GALR1: variants seen among roughly 807,000 people sequenced by gnomAD.
GALR1 encodes the protein galanin receptor type 1.
In GALR1, 11 loss-of-function variants were observed where a neutral mutation model predicts 17.9. That is an observed-to-expected ratio of 0.62 (90% confidence interval 0.39 to 1.02). The LOEUF (loss-of-function observed/expected upper bound fraction) is 1.02, where lower values mean the gene tolerates loss of function less well. Ranked by LOEUF, GALR1 falls within the 50% of genes least tolerant of loss-of-function variation. The pLI is 0.01. For missense variants in GALR1, 441 were observed against 456.9 expected, an observed-to-expected ratio of 0.97 and a Z score of 0.32; for synonymous variants, 206 against 205.7, an observed-to-expected ratio of 1.00 and a Z score of -0.01.
rs149222668 is a variant in GALR1 at position 77,275,776 on chromosome 18, A to G, written c.*6874A>G. On this transcript the variant is annotated 3_prime_UTR_variant, in exon 3 of 3. Coordinates refer to ENST00000299727, the MANE Select transcript of GALR1 (RefSeq NM_001480.4). ...TGTTTTTTAAAACGGAAACCATGTC[A>G]TTTTCCTTCTAGAGAGAATTTCCTG... is the stretch of plus-strand genomic sequence containing the variant. The G allele has an allele frequency of 3.5e-4, 53 of 152,318 alleles. No homozygotes were observed. Among genetic ancestry groups the G allele is most frequent in the African/African-American group, 1.2e-3 (48 of 41,572 alleles). 9.4% of individuals were successfully genotyped at this position (152,318 alleles called of 1,614,324 possible).
Position 77,271,481 on chromosome 18 carries a change from A to T in GALR1, c.*2579A>T, listed in dbSNP as rs1242047286. 2.6e-5 allele frequency: 4 copies of T among 152,190 alleles called. No individual in the cohort carries two copies. The highest frequency in any genetic ancestry group is 9.7e-5 in the African/African-American group (4 of 41,446). 9.4% of individuals were successfully genotyped at this position (152,190 alleles called of 1,614,324 possible). ...CAGAAGAACTCGTAAACAGAATGAA[A>T]TTAACCAGAGAAGTATAGGAGTGTG... On this transcript the variant is annotated 3_prime_UTR_variant, in exon 3 of 3. Transcript: ENST00000299727.
At position 77,268,947 on chromosome 18, in the gene GALR1, C is replaced by G; in HGVS notation, c.*45C>G. ...ATGGTTGAGTTTCCATATAAGTGGA[C>G]CAGACACAGAAACAAACAGAATGAG... is the stretch of plus-strand genomic sequence containing the variant. On this transcript the variant is annotated 3_prime_UTR_variant, in exon 3 of 3. Coordinates refer to ENST00000299727, the MANE Select transcript of GALR1 (RefSeq NM_001480.4). 1 of 1,396,932 alleles carries G rather than the reference C, an allele frequency of 7.2e-7. No homozygotes were observed. Among genetic ancestry groups the G allele is most frequent in the African/African-American group, 1.4e-5 (1 of 70,486 alleles). 86.5% of individuals were successfully genotyped at this position (1,396,932 alleles called of 1,614,324 possible). A position where few individuals can be genotyped will look rare whatever the true frequency, so the allele number is the denominator to read the frequency against.
chr18:77,264,776 A>G (rs1289594310), intron 2 of GALR1, among the ~76,000 whole-genome samples: 1 of 152,168 alleles, frequency 6.6e-6, no homozygotes, highest in African/African-American at 2.4e-5. Context: ...GAAGAATGAG[A>G]GTAAAGGGTG....
chr18:77,265,859 C>G (rs563757314), intron 2 of GALR1, among the ~76,000 whole-genome samples: 8 of 152,316 alleles, frequency 5.3e-5, no homozygotes, highest in African/African-American at 1.9e-4. Flanking sequence ...CACAAAGAAG[C>G]AAGGCCCTGG....
At chr18:77,259,417 G>GTGATGACGGTGATGA (rs1256160323) in intron 2 of GALR1, among the ~76,000 whole-genome samples, 1 of 150,486 alleles carries the variant, frequency 6.6e-6, no homozygotes, top group East Asian at 2.0e-4. Flanking sequence ...GGTTATGGTG[G>GTGATGACGGTGATGA]TGATGATGGT....
At chr18:77,252,962 C>CCAT (rs1912490298) in intron 1 of GALR1, among the ~76,000 whole-genome samples, 2 of 54,342 alleles carry the variant, frequency 3.7e-5, no homozygotes, top group African/African-American at 6.6e-5. Context: ...ACCACCATCA[C>CCAT]CACCACCATC....
Position 77,250,717 on chromosome 18 carries a change from G to T in GALR1, c.169G>T (p.Val57Leu), listed in dbSNP as rs1451217660. ...GCTGGGCAACAGCCTAGTGATCACC[G>T]TGCTGGCGCGCAGCAAGCCGGGCAA... is the stretch of plus-strand genomic sequence containing the variant. Reference protein sequence around the residue: ...GVLGNSLVITVLARSKPGKPR... With the variant: ...GVLGNSLVITLLARSKPGKPR... Residue 57 changes from valine to leucine, a missense_variant, in exon 1 of 3, where the codon GTG (valine) becomes TTG (leucine). By Grantham distance (32) the Val-to-Leu change is conservative. Transcript: ENST00000299727. 1.9e-6 allele frequency: 3 copies of T among 1,613,694 alleles called. No individual in the cohort carries two copies. The highest frequency in any genetic ancestry group is 2.5e-6 in the Non-Finnish European group (3 of 1,179,972).
In GALR1 at chr18:77,250,997, G is replaced by A. The variant is rs1393519254; in HGVS notation, c.449G>A (p.Arg150His). 1.2e-6 allele frequency: 2 copies of A among 1,604,426 alleles called. No homozygotes were observed. The highest frequency in any genetic ancestry group is 1.7e-5 in the Admixed American group (1 of 59,994). The change falls in exon 1 of 3, where the codon CGC becomes CAC. Residue 150 changes from arginine to histidine, a missense_variant. By Grantham distance (29) the Arg-to-His change is conservative. Transcript: ENST00000299727. ...SRRSSSLRVS[R>H]NALLGVGCIW... ...CGCTCCTCCTCCCTCAGGGTGTCCCGCAACGCGCTGCTGGGCGTGGGCTGC... is the reference window on the plus strand; with the variant it reads ...CGCTCCTCCTCCCTCAGGGTGTCCCACAACGCGCTGCTGGGCGTGGGCTGC...
rs773715031 is a variant in GALR1, at chr18:77,250,810, T to C, written c.262T>C (p.Cys88Arg). 6.2e-6 allele frequency: 10 copies of C among 1,613,972 alleles called. No individual in the cohort carries two copies. Among genetic ancestry groups the C allele is most frequent in the South Asian group, 3.3e-5 (3 of 91,090 alleles). ...CGCCGACCTGGCCTACCTGCTCTTC[T>C]GCATCCCCTTCCAGGCCACCGTGTA... The part of the protein sequence containing the change: ...SIADLAYLLF[C>R]IPFQATVYAL... Residue 88 changes from cysteine to arginine, a missense_variant, in exon 1 of 3, where the codon TGC (cysteine) becomes CGC (arginine). Cys to Arg is a radical substitution (Grantham distance 180, BLOSUM62 -3). Transcript: ENST00000299727.
rs1265993043 is a variant in GALR1 at position 77,272,444 on chromosome 18, A to G, written c.*3542A>G. 6.6e-6 allele frequency: 1 copy of G among 152,234 alleles called. No homozygotes were observed. Among genetic ancestry groups the G allele is most frequent in the African/African-American group, 2.4e-5 (1 of 41,458 alleles). 9.4% of individuals were successfully genotyped at this position (152,234 alleles called of 1,614,324 possible). On this transcript the variant is annotated 3_prime_UTR_variant, in exon 3 of 3. Coordinates refer to ENST00000299727, the MANE Select transcript of GALR1 (RefSeq NM_001480.4). Reference sequence around the variant, plus strand: ...AATGCTCATGCTGAAGCAGCATTACATTGAGGAAAATAACCTATTGGGCAG... The same window carrying G: ...AATGCTCATGCTGAAGCAGCATTACGTTGAGGAAAATAACCTATTGGGCAG...
intron 1 of GALR1, 131 bp downstream of exon 1, chr18:77,251,345 G>T: frequency 7.3e-7 from 1 of 1,365,740 alleles, no homozygotes; most frequent in Non-Finnish European, 9.7e-7. Flanking sequence ...CCACTCTGGC[G>T]GCGCTGGTAC....
chr18:77,252,938 C>CCACCACCACCACCACCAT (rs1912482028), intron 1 of GALR1, among the ~76,000 whole-genome samples: 1 of 46,510 alleles, frequency 2.2e-5, no homozygotes, highest in Admixed American at 1.9e-4. Flanking sequence ...ACCACCACCA[C>CCACCACCACCACCACCAT]CACCACCACC....
chr18:77,263,452 T>G (rs2144964101), intron 2 of GALR1, among the ~76,000 whole-genome samples: 1 of 152,338 alleles, frequency 6.6e-6, no homozygotes, highest in Middle Eastern at 3.4e-3. Flanking sequence ...TATTCTTAGC[T>G]GAGGAAGTTG....
intron 2 of GALR1, among the ~76,000 whole-genome samples, chr18:77,256,566 G>A (rs1469995622): frequency 1.3e-5 from 2 of 152,064 alleles, no homozygotes; most frequent in African/African-American, 2.4e-5. Flanking sequence ...TACTTAGAGG[G>A]AAAGTATAGT....
Position 77,271,855 on chromosome 18 carries a change from C to A in GALR1, c.*2953C>A, listed in dbSNP as rs1192146023. The A allele has an allele frequency of 6.6e-6, 1 of 152,160 alleles. No homozygotes were observed. The highest frequency in any genetic ancestry group is 1.9e-4 in the East Asian group (1 of 5,188). 9.4% of individuals were successfully genotyped at this position (152,160 alleles called of 1,614,324 possible). A position where few individuals can be genotyped will look rare whatever the true frequency, so the allele number is the denominator to read the frequency against. On this transcript the variant is annotated 3_prime_UTR_variant, in exon 3 of 3. Transcript: ENST00000299727. ...TTGCTGTTTCACATGCATAAGCAAC[C>A]ATTTCAGTGTCCTGCTGATGAATAC...
Position 77,271,600 on chromosome 18 carries a change from A to G in GALR1, c.*2698A>G, listed in dbSNP as rs1359133898. 2 of 152,216 alleles carry G rather than the reference A, an allele frequency of 1.3e-5. No homozygotes were observed. The highest frequency in any genetic ancestry group is 2.9e-5 in the Non-Finnish European group (2 of 68,048). 9.4% of individuals were successfully genotyped at this position (152,216 alleles called of 1,614,324 possible). ...CCTTCTTTTCCGTCACTAAATAAAG[A>G]CAGCTTCCCAAGGACACACTTTTTC... On this transcript the variant is annotated 3_prime_UTR_variant, in exon 3 of 3. Transcript: ENST00000299727.
chr18:77,252,575 G>A (rs1370277350), intron 1 of GALR1, among the ~76,000 whole-genome samples: 1 of 152,096 alleles, frequency 6.6e-6, no homozygotes, highest in South Asian at 2.1e-4. Context: ...TGCACCAAAA[G>A]GTTAAATATG....
At chr18:77,265,932 G>T (rs1291152186) in intron 2 of GALR1, among the ~76,000 whole-genome samples, 2 of 152,182 alleles carry the variant, frequency 1.3e-5, no homozygotes, top group Non-Finnish European at 2.9e-5. Context: ...AGGCTGCCAT[G>T]AAGACCTCTG....
In GALR1 at chr18:77,275,106, G is replaced by A. The variant is rs1913130607; in HGVS notation, c.*6204G>A. The A allele has an allele frequency of 6.6e-6, 1 of 152,250 alleles. No individual in the cohort carries two copies. Among genetic ancestry groups the A allele is most frequent in the Admixed American group, 6.5e-5 (1 of 15,286 alleles). The allele number at this position is 152,250 out of a possible 1,614,324, so 9.4% of individuals were successfully genotyped here. On this transcript the variant is annotated 3_prime_UTR_variant, in exon 3 of 3. Transcript: ENST00000299727. ...GAGCAATTCCTCCATAGCATTGGTT[G>A]TAGAACAGGTCAGTTGGCATGTGGC...
Sources: allele counts gnomAD v4.1 joint callset (sites outside exome capture counted in the v4.1 genomes callset), GRCh38; gene constraint gnomAD v4.1.1; transcripts MANE v1.5; gene names NCBI Gene and HGNC (gene_info 2026-07-23, HGNC 2026-07-21).